Variants in SKAP2 observed in about 807,000 individuals in gnomAD.
SKAP2 encodes the protein src kinase-associated phosphoprotein 2.
A neutral mutation model predicts 54.9 loss-of-function variants in SKAP2; 28 were observed. The observed-to-expected ratio is 0.51, with a 90% CI of 0.38 to 0.70. The LOEUF (loss-of-function observed/expected upper bound fraction) is 0.70. Among genes scored for constraint, SKAP2 ranks in the 30% least tolerant of loss-of-function variants. The pLI, the probability that SKAP2 is intolerant of heterozygous loss-of-function variation, is 0.00. For missense variants in SKAP2, 356 were observed against 424.1 expected (o/e 0.84, Z 1.41); for synonymous variants, 137 against 134.3 (o/e 1.02, Z -0.14).
At chr7:26,710,166 G>A (rs549447285) in intron 9 of SKAP2, among the ~76,000 whole-genome samples, 1 of 152,234 alleles carries the variant, frequency 6.6e-6, no homozygotes, top group East Asian at 1.9e-4. Flanking sequence ...ATTCTTATGA[G>A]GAAGGCACTT....
intron 4 of SKAP2, among the ~76,000 whole-genome samples, chr7:26,754,985 C>A (rs1390825187): frequency 6.6e-6 from 1 of 152,158 alleles, no homozygotes; most frequent in Non-Finnish European, 1.5e-5. Context: ...TATTCCTAGT[C>A]AATTTAGATA....
intron 4 of SKAP2, among the ~76,000 whole-genome samples, chr7:26,763,029 A>T (rs562323805): frequency 1.3e-5 from 2 of 152,202 alleles, no homozygotes; most frequent in Non-Finnish European, 2.9e-5. Flanking sequence ...ATGAGAAAAC[A>T]GCATTGTGCA....
At chr7:26,825,418 C>T (rs973597932) in intron 4 of SKAP2, among the ~76,000 whole-genome samples, 6 of 151,764 alleles carry the variant, frequency 4.0e-5, no homozygotes, top group African/African-American at 1.5e-4. Flanking sequence ...TAAATTCAAA[C>T]AATCTAAAAA....
chr7:26,786,700 G>C (rs1274645686), intron 4 of SKAP2, among the ~76,000 whole-genome samples: 1 of 152,200 alleles, frequency 6.6e-6, no homozygotes, highest in African/African-American at 2.4e-5. Context: ...CAAGAGCAGG[G>C]TCATGAGCTC....
intron 4 of SKAP2, among the ~76,000 whole-genome samples, chr7:26,807,903 T>C (rs1288705179): frequency 2.0e-5 from 3 of 152,184 alleles, no homozygotes; most frequent in Admixed American, 2.0e-4. Flanking sequence ...TATTTTTAAA[T>C]TAAGGTATGC....
chr7:26,847,620 A>G (rs1784953692), intron 3 of SKAP2, among the ~76,000 whole-genome samples: 3 of 152,228 alleles, frequency 2.0e-5, no homozygotes, highest in Admixed American at 2.0e-4. Context: ...ATTACAGCTA[A>G]TCACACATCT....
chr7:26,838,029 T>C (rs180880797), intron 4 of SKAP2, among the ~76,000 whole-genome samples: 117 of 152,320 alleles, frequency 7.7e-4, no homozygotes, highest in African/African-American at 2.2e-3. Context: ...ATTTGTCAAA[T>C]AGTGATAGTA....
chr7:26,664,267 A>T (rs868642446), downstream of SKAP2, among the ~76,000 whole-genome samples: 14 of 152,150 alleles, frequency 9.2e-5, no homozygotes, highest in Non-Finnish European at 1.9e-4. Context: ...AACTTACTTC[A>T]TAGGGTTGTT....
rs142511976 is a variant in SKAP2 at position 26,690,356 on chromosome 7, T to A, written c.803A>T (p.Glu268Val). ...DEIYEELPEEEEDSAPVKVEE... is the reference protein window; with the variant it reads ...DEIYEELPEEVEDSAPVKVEE... ...CACTTTCACTGGAGCACTGTCCTCTTCTTCTTCTGTAAATAAACATTATCA... is the reference window on the plus strand; with the variant it reads ...CACTTTCACTGGAGCACTGTCCTCTACTTCTTCTGTAAATAAACATTATCA... Residue 268 changes from glutamate to valine, a missense_variant, in exon 10 of 13, where the codon GAA becomes GTA. By Grantham distance (121) the Glu-to-Val change is moderately radical. Coordinates refer to ENST00000345317, the MANE Select transcript of SKAP2 (RefSeq NM_003930.5). 229 of 1,607,282 alleles carry A rather than the reference T, an allele frequency of 1.4e-4. No homozygotes were observed. The highest frequency in any genetic ancestry group is 2.7e-4 in the Admixed American group (16 of 59,982).
chr7:26,705,823 G>A (rs1255687016), intron 9 of SKAP2, among the ~76,000 whole-genome samples: 1 of 152,088 alleles, frequency 6.6e-6, no homozygotes, highest in African/African-American at 2.4e-5. Context: ...TGACAAAGTG[G>A]CCAAAAATTT....
At chr7:26,822,529 T>C (rs965978244) in intron 4 of SKAP2, among the ~76,000 whole-genome samples, 4 of 152,020 alleles carry the variant, frequency 2.6e-5, no homozygotes, top group Admixed American at 2.6e-4. Flanking sequence ...CTGCCTCTCC[T>C]TGGGCTTCCT....
chr7:26,791,313 G>A (rs1287044629), intron 4 of SKAP2, among the ~76,000 whole-genome samples: 1 of 151,942 alleles, frequency 6.6e-6, no homozygotes, highest in Non-Finnish European at 1.5e-5. Flanking sequence ...GGAGTGCAGT[G>A]GTGTGATCAC....
At chr7:26,780,399 G>A (rs1783402610) in intron 4 of SKAP2, among the ~76,000 whole-genome samples, 1 of 151,976 alleles carries the variant, frequency 6.6e-6, no homozygotes, top group African/African-American at 2.4e-5. Context: ...GTTGCATAGG[G>A]GCTATCTAGA....
At chr7:26,689,066 T>C (rs1253424949) in intron 10 of SKAP2, among the ~76,000 whole-genome samples, 1 of 152,188 alleles carries the variant, frequency 6.6e-6, no homozygotes, top group Non-Finnish European at 1.5e-5. Context: ...AAACCTTTTG[T>C]AGCAACCTAC....
At chr7:26,779,631 G>T (rs190386918) in intron 4 of SKAP2, among the ~76,000 whole-genome samples, 1 of 151,898 alleles carries the variant, frequency 6.6e-6, no homozygotes, top group African/African-American at 2.4e-5. Context: ...GGATTCTGAG[G>T]GAAAATGTTC....
intron 4 of SKAP2, among the ~76,000 whole-genome samples, chr7:26,773,533 C>G (rs1783234936): frequency 6.6e-6 from 1 of 152,198 alleles, no homozygotes; most frequent in South Asian, 2.1e-4. Context: ...AAGTGCTAGG[C>G]ACCTTCCCAC....
rs773496429 is a variant in SKAP2 at position 26,747,451 on chromosome 7, C to T, written c.308-7487G>A. Among the ~76,000 whole-genome samples the T allele has an allele frequency of 7.4e-4, 113 of 152,022 alleles. 1 individual carries two copies. The highest frequency in any genetic ancestry group is 5.3e-4 in the Non-Finnish European group (36 of 67,996). On this transcript the variant is annotated intron_variant, in intron 4 of 12. Coordinates refer to ENST00000345317, the MANE Select transcript of SKAP2 (RefSeq NM_003930.5). The stretch of plus-strand genomic sequence containing the variant: ...TTACAACTCAAGGGTTTAACATCTG[C>T]TAATCTCCTCCCTCCTCTGTAAAGT...
intron 4 of SKAP2, among the ~76,000 whole-genome samples, chr7:26,820,298 A>G (rs990979265): frequency 6.6e-6 from 1 of 152,212 alleles, no homozygotes; most frequent in African/African-American, 2.4e-5. Flanking sequence ...GTTTTCTCAA[A>G]AGTTACCTCC....
chr7:26,771,354 T>G (rs968789731), intron 4 of SKAP2, among the ~76,000 whole-genome samples: 1 of 152,178 alleles, frequency 6.6e-6, no homozygotes. Flanking sequence ...AATTTAGCCT[T>G]GGTTTAAAGG....
Sources: allele counts gnomAD v4.1 joint callset (sites outside exome capture counted in the v4.1 genomes callset), GRCh38; gene constraint gnomAD v4.1.1; transcripts MANE v1.5; gene names NCBI Gene and HGNC (gene_info 2026-07-23, HGNC 2026-07-21).